The following DEPTOR variants were observed in gnomAD, a reference collection of about 807,000 sequenced individuals.
The protein encoded by DEPTOR is DEP domain-containing mTOR-interacting protein.
DEPTOR carries 41 observed loss-of-function variants against 41.6 expected under a neutral mutation model. The observed-to-expected ratio is 0.98, with a 90% CI of 0.77 to 1.28. The LOEUF (loss-of-function observed/expected upper bound fraction) is 1.28. Ranked by LOEUF, DEPTOR falls within the 50% of genes most tolerant of loss-of-function variation. The probability of loss-of-function intolerance (pLI) is 0.00; values close to 1 mark genes in which losing one functional copy is unlikely to be tolerated. For missense variants in DEPTOR, 514 were observed against 527.9 expected (o/e 0.97, Z 0.26); for synonymous variants, 195 against 192.3 (o/e 1.01, Z -0.12).
chr8:120,016,453 C>T (rs1410185228), intron 8 of DEPTOR, among the ~76,000 whole-genome samples: 2 of 151,986 alleles, frequency 1.3e-5, no homozygotes, highest in Non-Finnish European at 2.9e-5. Flanking sequence ...TGTGTACCAC[C>T]ACACCCAGCT....
chr8:119,983,258 A>AT (rs544419315), intron 4 of DEPTOR, among the ~76,000 whole-genome samples: 2,945 of 145,400 alleles, frequency 0.02, 64 homozygotes, highest in African/African-American at 0.056. Flanking sequence ...TTTTCTTTTT[A>AT]TTTTTTTTTT....
chr8:119,916,194 G>C (rs1308462639), intron 1 of DEPTOR, among the ~76,000 whole-genome samples: 1 of 151,706 alleles, frequency 6.6e-6, no homozygotes, highest in Non-Finnish European at 1.5e-5. Flanking sequence ...CCACCTTCTG[G>C]GTTCAAGTGA....
chr8:119,997,673 G>A (rs1414495262), intron 4 of DEPTOR, among the ~76,000 whole-genome samples: 2 of 152,196 alleles, frequency 1.3e-5, no homozygotes, highest in Non-Finnish European at 2.9e-5. Context: ...TAGATTAAAT[G>A]CTGGCACTGG....
chr8:119,940,492 T>C (rs535170187), intron 3 of DEPTOR, among the ~76,000 whole-genome samples: 7 of 152,320 alleles, frequency 4.6e-5, no homozygotes, highest in African/African-American at 1.7e-4. Flanking sequence ...ACGCCTGTCA[T>C]CCCAGCACTT....
chr8:119,883,406 TG>T lies in DEPTOR; in HGVS notation c.122+9440del, dbSNP rs1827323856. ...AGGAGAATGGCGTGAACCCGGGAGG[TG>T]GAGGTTGCAGTTAGCCGAGATCGCG... On this transcript the variant is annotated intron_variant, in intron 1 of 8. Transcript: ENST00000286234. Among the ~76,000 whole-genome samples the T allele has an allele frequency of 7.1e-5, 9 of 125,894 alleles. No homozygotes were observed. The Admixed American group carries it at 7.6e-4, about 11-fold the overall frequency. 82.6% of individuals were successfully genotyped at this position (125,894 alleles called of 152,430 possible). A position where few individuals can be genotyped will look rare whatever the true frequency, so the allele number is the denominator to read the frequency against.
At chr8:119,874,450 C>A in intron 1 of DEPTOR, 1 of 174,322 alleles carries the variant, frequency 5.7e-6, no homozygotes, top group Non-Finnish European at 1.2e-5. Context: ...GCTGACAAGT[C>A]TTCCTTCACT....
chr8:119,886,911 AT>A (rs1172850319), intron 1 of DEPTOR, among the ~76,000 whole-genome samples: 1 of 152,034 alleles, frequency 6.6e-6, no homozygotes, highest in African/African-American at 2.4e-5. Flanking sequence ...AGTGCCTGCT[AT>A]TTGTCGGGCA....
intron 1 of DEPTOR, among the ~76,000 whole-genome samples, chr8:119,912,474 A>G (rs1227194763): frequency 6.6e-6 from 1 of 152,218 alleles, no homozygotes; most frequent in Non-Finnish European, 1.5e-5. Context: ...AAATTTTTGC[A>G]AGCCCCTTAA....
chr8:120,028,871 G>C (rs1360211708), intron 8 of DEPTOR, among the ~76,000 whole-genome samples: 1 of 151,810 alleles, frequency 6.6e-6, no homozygotes, highest in East Asian at 2.0e-4. Context: ...GATCACCTGA[G>C]GTCAGGAGTT....
At chr8:120,035,498 T>C (rs1812967197) in intron 8 of DEPTOR, among the ~76,000 whole-genome samples, 2 of 152,164 alleles carry the variant, frequency 1.3e-5, no homozygotes. Flanking sequence ...AGGTGATAGA[T>C]ACCTTTCCTT....
At chr8:119,899,571 A>C (rs879605057) in intron 1 of DEPTOR, among the ~76,000 whole-genome samples, 8 of 152,332 alleles carry the variant, frequency 5.3e-5, no homozygotes, top group Admixed American at 5.2e-4. Context: ...TTCTGAGATG[A>C]GTTTTCTGGC....
intron 1 of DEPTOR, among the ~76,000 whole-genome samples, chr8:119,919,981 G>A (rs1827868880): frequency 6.6e-6 from 1 of 152,198 alleles, no homozygotes; most frequent in Non-Finnish European, 1.5e-5. Context: ...GCTGGAAGAG[G>A]AAATGGTCTG....
intron 8 of DEPTOR, among the ~76,000 whole-genome samples, chr8:120,011,623 G>A (rs1234879102): frequency 6.6e-6 from 1 of 152,146 alleles, no homozygotes; most frequent in East Asian, 1.9e-4. Flanking sequence ...TTTGAGGAAA[G>A]CAATGAATTT....
chr8:120,009,517 G>A (rs1021851879), intron 8 of DEPTOR, among the ~76,000 whole-genome samples: 3 of 152,152 alleles, frequency 2.0e-5, no homozygotes, highest in South Asian at 4.1e-4. Flanking sequence ...GGAGGCTGAG[G>A]CAGGAGAATC....
At chr8:119,887,174 C>G (rs1407511306) in intron 1 of DEPTOR, among the ~76,000 whole-genome samples, 2 of 108,826 alleles carry the variant, frequency 1.8e-5, no homozygotes, top group Admixed American at 2.0e-4. Context: ...CCTCCCTTCC[C>G]TTCCCTTCCC....
In DEPTOR at chr8:119,973,336, G is replaced by T. The variant is rs530745304; in HGVS notation, c.604+7926G>T. 8.5e-5 allele frequency among the ~76,000 whole-genome samples: 13 copies of T among 152,074 alleles called. No individual in the cohort carries two copies. In the South Asian group the frequency reaches 2.5e-3, roughly 29 times the overall value. On this transcript the variant is annotated intron_variant, in intron 4 of 8. Transcript: ENST00000286234. ...TGCAGCCTTGACCTCCCAGGCTAAA[G>T]CAGTCCTCCCACCTCAGCTCCTGAG...
intron 4 of DEPTOR, chr8:119,969,983 G>A (rs1425617051): frequency 1.3e-5 from 2 of 152,220 alleles, no homozygotes; most frequent in Non-Finnish European, 2.9e-5. Flanking sequence ...TTTGAAACCA[G>A]TAAGTGTAAA....
chr8:119,882,906 T>C (rs1827316836), intron 1 of DEPTOR, among the ~76,000 whole-genome samples: 1 of 152,146 alleles, frequency 6.6e-6, no homozygotes, highest in African/African-American at 2.4e-5. Flanking sequence ...TCTGAGATCC[T>C]TGTTCTAGTA....
intron 4 of DEPTOR, among the ~76,000 whole-genome samples, chr8:119,968,287 TTGTGA>T (rs1429279692): frequency 6.6e-6 from 1 of 151,676 alleles, no homozygotes; most frequent in African/African-American, 2.4e-5. Flanking sequence ...AAAAAATGTA[TTGTGA>T]TAAGAACATT....
Sources: allele counts gnomAD v4.1 joint callset (sites outside exome capture counted in the v4.1 genomes callset), GRCh38; gene constraint gnomAD v4.1.1; transcripts MANE v1.5; gene names NCBI Gene and HGNC (gene_info 2026-07-23, HGNC 2026-07-21).